Variants in TMEM9B observed in about 807,000 individuals in gnomAD.
The protein encoded by TMEM9B is TMEM9 domain family member B.
A neutral mutation model predicts 23.5 loss-of-function variants in TMEM9B; 8 were observed. The ratio of observed to expected loss-of-function variants is 0.34; its 90% confidence interval spans 0.20 to 0.61. TMEM9B has a LOEUF of 0.61. Among genes scored for constraint, TMEM9B ranks in the 20% least tolerant of loss-of-function variants. The pLI is 0.78. For synonymous variants in TMEM9B, 106 were observed against 96.3 expected, an observed-to-expected ratio of 1.10 and a Z score of -0.59; for missense variants, 197 against 252.3, an observed-to-expected ratio of 0.78 and a Z score of 1.49.
At chr11:8,955,677 G>A (rs1566123263) in intron 3 of TMEM9B, among the ~76,000 whole-genome samples, 2 of 151,686 alleles carry the variant, frequency 1.3e-5, no homozygotes, top group East Asian at 1.9e-4. Context: ...GAATGATGGG[G>A]AGCAGCTGTA....
intron 1 of TMEM9B, chr11:8,962,858 T>C (rs1854106070): frequency 6.6e-6 from 1 of 152,290 alleles, no homozygotes; most frequent in South Asian, 2.1e-4. Flanking sequence ...AGTATCTGGA[T>C]AGAGAAAAGA....
chr11:8,961,867 ACT>A (rs1408636690), intron 2 of TMEM9B, among the ~76,000 whole-genome samples: 1 of 151,828 alleles, frequency 6.6e-6, no homozygotes, highest in East Asian at 1.9e-4. Context: ...CTCCCATGAA[ACT>A]CTGCCTACAT....
Position 8,964,317 on chromosome 11 carries a change from TG to T in TMEM9B, c.-5del, listed in dbSNP as rs1300249367. The T allele has an allele frequency of 8.9e-6, 14 of 1,565,082 alleles. No homozygotes were observed. The African/African-American group carries it at 1.5e-4, about 17-fold the overall frequency. On this transcript the variant is annotated 5_prime_UTR_variant, in exon 1 of 5. Transcript: ENST00000534025. ...GGCCTCCCCACAGGGTCGCCATCGCTGGGGGCCCAGCGGTCCCACAGCCCGG... is the reference window on the plus strand; with the variant it reads ...GGCCTCCCCACAGGGTCGCCATCGCTGGGGCCCAGCGGTCCCACAGCCCGG...
At position 8,962,139 on chromosome 11, in the gene TMEM9B, T is replaced by C. The variant is rs1276640689; in HGVS notation, c.150A>G (p.Lys50=). The change falls in exon 2 of 5, where the codon AAA becomes AAG. Residue 50 remains lysine (K), a synonymous_variant. Transcript: ENST00000534025. Reference sequence around the variant, plus strand: ...TATTATAAATATGCCCAGAATTTTCTTTATAGGGAGGGCAGATACATTTAC... The same window carrying C: ...TATTATAAATATGCCCAGAATTTTCCTTATAGGGAGGGCAGATACATTTAC... ...VRCKCICPPY[K]ENSGHIYNKN... is the part of the protein sequence containing the mutation. 6.2e-7 allele frequency: 1 copy of C among 1,605,288 alleles called. No individual in the cohort carries two copies. The highest frequency in any genetic ancestry group is 2.2e-5 in the East Asian group (1 of 44,606).
intron 3 of TMEM9B, among the ~76,000 whole-genome samples, chr11:8,955,134 G>A (rs778997563): frequency 8.3e-6 from 1 of 121,204 alleles, no homozygotes; most frequent in Non-Finnish European, 1.6e-5. Flanking sequence ...CTGGGCAATA[G>A]AGCAAGACTC....
intron 4 of TMEM9B, among the ~76,000 whole-genome samples, chr11:8,952,319 C>CGCGTGT (rs1853899688): frequency 6.7e-6 from 1 of 148,762 alleles, no homozygotes. Context: ...AATGTACACA[C>CGCGTGT]GTGTGTGTGT....
Position 8,962,136 on chromosome 11 carries a change from T to G in TMEM9B, c.153A>C (p.Glu51Asp). ...TCTTATTATAAATATGCCCAGAATT[T>G]TCTTTATAGGGAGGGCAGATACATT... The part of the protein sequence containing the change: ...RCKCICPPYK[E>D]NSGHIYNKNI... Residue 51 changes from glutamate to aspartate, a missense_variant, in exon 2 of 5, where the codon GAA (glutamate) becomes GAC (aspartate). Around this residue, in one of 2 missense-constraint regions of TMEM9B, gnomAD observed 141 missense variants for 214.1 expected, o/e 0.66. Transcript: ENST00000534025. 10 of 1,603,244 alleles carry G rather than the reference T, an allele frequency of 6.2e-6. No individual in the cohort carries two copies. Among genetic ancestry groups the G allele is most frequent in the African/African-American group, 1.3e-5 (1 of 74,486 alleles).
chr11:8,964,395 G>GCTCAGA lies in TMEM9B; in HGVS notation c.-83_-82insTCTGAG, dbSNP rs1164305048. On this transcript the variant is annotated 5_prime_UTR_variant, in exon 1 of 5. Transcript: ENST00000534025. ...GGCTCAGGCTCAGGCTCAGGCTCAG[G>GCTCAGA]CACAGGCTTGGGACCCGGCTGGGGA... 1.1e-5 allele frequency: 16 copies of GCTCAGA among 1,512,752 alleles called. No homozygotes were observed. The African/African-American group carries it at 2.1e-4, about 20-fold the overall frequency. The allele number at this position is 1,512,752 out of a possible 1,614,324, so 93.7% of individuals were successfully genotyped here. A position where few individuals can be genotyped will look rare whatever the true frequency, so the allele number is the denominator to read the frequency against.
Position 8,956,230 on chromosome 11 carries a change from C to G in TMEM9B, c.266G>C (p.Cys89Ser). 1.2e-6 allele frequency: 2 copies of G among 1,613,848 alleles called. No individual in the cohort carries two copies. The highest frequency in any genetic ancestry group is 1.7e-6 in the Non-Finnish European group (2 of 1,180,004). The change falls in exon 3 of 5, where the codon TGT (cysteine) becomes TCT (serine). Residue 89 changes from cysteine (C) to serine (S), a missense_variant. Physicochemically the swap from Cys to Ser is moderately radical, Grantham distance 112. Coordinates refer to ENST00000534025, the MANE Select transcript of TMEM9B (RefSeq NM_020644.3). Reference sequence around the variant, plus strand: ...GCTTCTTTCTTCATATTTGCATTCACAGCGTAGACAGTATGCTTCTACATC... The same window carrying G: ...GCTTCTTTCTTCATATTTGCATTCAGAGCGTAGACAGTATGCTTCTACATC... ...GPDVEAYCLR[C>S]ECKYEERSSV...
chr11:8,963,772 T>C (rs564932035), intron 1 of TMEM9B, among the ~76,000 whole-genome samples: 1 of 151,960 alleles, frequency 6.6e-6, no homozygotes, highest in South Asian at 2.1e-4. Context: ...CTCTGTCAGA[T>C]GGGGGCTTCC....
rs755404001 is a variant in TMEM9B, at chr11:8,964,346, C to A, written c.-33G>T. ...GGCCCAGCGGTCCCACAGCCCGGAG[C>A]CCCCGCGACCGGCTCCCGGCTCGGG... On this transcript the variant is annotated 5_prime_UTR_variant, in exon 1 of 5. Transcript: ENST00000534025. The A allele has an allele frequency of 1.9e-6, 3 of 1,540,264 alleles. No homozygotes were observed. In the East Asian group the frequency reaches 7.5e-5, roughly 38 times the overall value.
chr11:8,964,477 A>T, upstream of TMEM9B: 1 of 1,420,140 alleles, frequency 7.0e-7, no homozygotes, highest in Non-Finnish European at 9.1e-7. Context: ...GCCGGGTCAG[A>T]TGCAAAAAGC....
chr11:8,951,087 TG>T (rs1853866452), intron 4 of TMEM9B, among the ~76,000 whole-genome samples: 1 of 152,210 alleles, frequency 6.6e-6, no homozygotes, highest in Non-Finnish European at 1.5e-5. Flanking sequence ...AATCAATCAC[TG>T]GTGGACAAAA....
At chr11:8,964,172 G>A (rs777542877) in intron 1 of TMEM9B, 37 bp downstream of exon 1, 10 of 1,545,590 alleles carry the variant, frequency 6.5e-6, no homozygotes, top group Non-Finnish European at 8.7e-6. Context: ...TGGTAGGGGA[G>A]GAGCTTCCGT....
rs1337719792 is a variant in TMEM9B, at chr11:8,957,651, G to A, written c.198-1353C>T. Among the ~76,000 whole-genome samples the A allele has an allele frequency of 6.6e-6, 1 of 152,144 alleles. No homozygotes were observed. The highest frequency in any genetic ancestry group is 1.5e-5 in the Non-Finnish European group (1 of 68,018). On this transcript the variant is annotated intron_variant, in intron 2 of 4. Transcript: ENST00000534025. This position sits in a 1 kb window ranked among gnomAD's most constrained non-coding sequence, Gnocchi z 4.3. ...AGTTACAGCTTGGTGGGAGGAATAA[G>A]TTCTAGTGTTCTATATCCCTGTAGG...
At position 8,964,215 on chromosome 11, in the gene TMEM9B, G is replaced by A. The variant is rs967039139; in HGVS notation, c.99C>T (p.Ala33=). The A allele has an allele frequency of 1.9e-6, 3 of 1,578,396 alleles. No homozygotes were observed. Among genetic ancestry groups the A allele is most frequent in the South Asian group, 2.3e-5 (2 of 86,160 alleles). The change falls in exon 1 of 5, where the codon GCC becomes GCT. Residue 33 remains alanine (A), a synonymous_variant. Transcript: ENST00000534025. The part of the protein sequence containing the change: ...SVLLLAQLSD[A]AKNFEDVRCK... The stretch of plus-strand genomic sequence containing the variant: ...GAGGCTGGGCGGGACTCACCTTGGC[G>A]GCGTCTGACAGCTGCGCCAGCAGCA...
chr11:8,948,218 G>C lies in TMEM9B; in HGVS notation c.*102C>G, dbSNP rs1180640607. The C allele has an allele frequency of 1.4e-6, 2 of 1,388,842 alleles. No homozygotes were observed. Among genetic ancestry groups the C allele is most frequent in the Non-Finnish European group, 1.9e-6 (2 of 1,030,004 alleles). 86.0% of individuals were successfully genotyped at this position (1,388,842 alleles called of 1,614,324 possible). On this transcript the variant is annotated 3_prime_UTR_variant, in exon 5 of 5. Transcript: ENST00000534025. ...AGTTTTGAATCTTCCAGCAACAGTT[G>C]GTGAAATCAACAAGGTATTAAAATG...
chr11:8,959,499 CTATT>C (rs2134874303), intron 2 of TMEM9B, among the ~76,000 whole-genome samples: 1 of 152,350 alleles, frequency 6.6e-6, no homozygotes, highest in East Asian at 1.9e-4. Context: ...TGAAACTGAT[CTATT>C]TAGTTTCCTA....
intron 2 of TMEM9B, among the ~76,000 whole-genome samples, chr11:8,961,070 T>C (rs980742643): frequency 7.1e-6 from 1 of 140,842 alleles, no homozygotes; most frequent in African/African-American, 2.5e-5. Context: ...ATGACACCAC[T>C]TACAGTGGAA....
Sources: gnomAD v4.1 joint callset for allele counts (sites outside exome capture counted in the v4.1 genomes callset) on GRCh38, gnomAD v4.1.1 for gene constraint, gnomAD v4.1.1 regional missense constraint, Gnocchi (gnomAD v3.1) non-coding constraint, MANE v1.5 for transcripts, NCBI Gene and HGNC (gene_info 2026-07-23, HGNC 2026-07-21) for gene names.